Variants in FNBP1 observed in about 807,000 individuals in gnomAD.
The protein encoded by FNBP1 is formin-binding protein 1.
In FNBP1, 26 loss-of-function variants were observed where a neutral mutation model predicts 90.6. That is an observed-to-expected ratio of 0.29 (90% CI 0.21 to 0.40). FNBP1 has a LOEUF of 0.40. Ranked by LOEUF, FNBP1 falls within the 10% of genes least tolerant of loss-of-function variation. The pLI is 1.00. For synonymous variants in FNBP1, 260 were observed against 265.2 expected (o/e 0.98, Z 0.19); for missense variants, 635 against 768.0 (o/e 0.83, Z 2.05).
chr9:130,029,224 C>T (rs894367089), intron 1 of FNBP1, among the ~76,000 whole-genome samples: 1 of 151,950 alleles, frequency 6.6e-6, no homozygotes, highest in East Asian at 1.9e-4. Flanking sequence ...GGTGCAGTCA[C>T]TACTCACTGT....
intron 1 of FNBP1, among the ~76,000 whole-genome samples, chr9:130,039,968 C>G (rs1357654310): frequency 1.3e-5 from 2 of 152,176 alleles, no homozygotes; most frequent in African/African-American, 4.8e-5. Context: ...CTTTCTCCAT[C>G]TAGAAGAATA....
At chr9:129,894,111 C>T (rs1049851384) in intron 16 of FNBP1, among the ~76,000 whole-genome samples, 1 of 151,970 alleles carries the variant, frequency 6.6e-6, no homozygotes, top group Non-Finnish European at 1.5e-5. Flanking sequence ...AATGTAGAGG[C>T]AGGCAGGGGC....
intron 11 of FNBP1, among the ~76,000 whole-genome samples, chr9:129,915,727 A>T (rs983902320): frequency 6.6e-6 from 1 of 152,164 alleles, no homozygotes; most frequent in Non-Finnish European, 1.5e-5. Flanking sequence ...CAGGAATAAC[A>T]CCAAGTCGTG....
In FNBP1 at chr9:129,889,582, A is replaced by C. The variant is rs560483842; in HGVS notation, c.*957T>G. ...GAGACTCCCGTCTCAAAAAAAAAAAAAAAACAACAACAAAAAAGGAAGTGC... is the reference window on the plus strand; with the variant it reads ...GAGACTCCCGTCTCAAAAAAAAAAACAAAACAACAACAAAAAAGGAAGTGC... On this transcript the variant is annotated 3_prime_UTR_variant, in exon 17 of 17. Transcript: ENST00000446176. 4.7e-6 allele frequency: 1 copy of C among 214,244 alleles called. No individual in the cohort carries two copies. The highest frequency in any genetic ancestry group is 2.3e-5 in the African/African-American group (1 of 43,894). 13.3% of individuals were successfully genotyped at this position (214,244 alleles called of 1,614,324 possible). A position where few individuals can be genotyped will look rare whatever the true frequency, so the allele number is the denominator to read the frequency against.
intron 11 of FNBP1, among the ~76,000 whole-genome samples, chr9:129,913,594 AACCCCGTCTCT>A (rs2039731831): frequency 6.6e-6 from 1 of 151,998 alleles, no homozygotes; most frequent in South Asian, 2.1e-4. Context: ...AGCATGGTGA[AACCCCGTCTCT>A]ACTAAAAATA....
chr9:129,943,035 T>C (rs573318937), intron 6 of FNBP1, among the ~76,000 whole-genome samples: 1 of 152,278 alleles, frequency 6.6e-6, no homozygotes, highest in African/African-American at 2.4e-5. Flanking sequence ...CTCATCTTAC[T>C]TCTCCAGCTA....
chr9:129,953,967 G>A (rs931985413), intron 6 of FNBP1, among the ~76,000 whole-genome samples: 2 of 151,950 alleles, frequency 1.3e-5, no homozygotes, highest in African/African-American at 4.8e-5. Flanking sequence ...TACTTTAGGA[G>A]GCTGAGGCTG....
intron 6 of FNBP1, among the ~76,000 whole-genome samples, chr9:129,932,281 A>C (rs1220701454): frequency 4.6e-5 from 7 of 152,160 alleles, no homozygotes; most frequent in Admixed American, 3.9e-4. Context: ...AAAGAGAGAA[A>C]GAAAAAGGAA....
chr9:130,007,617 T>A (rs1239193902), intron 1 of FNBP1, among the ~76,000 whole-genome samples: 1 of 152,194 alleles, frequency 6.6e-6, no homozygotes, highest in Non-Finnish European at 1.5e-5. Context: ...AACACCTTAG[T>A]CACTTTCAGT....
chr9:130,013,849 T>C (rs1480142487), intron 1 of FNBP1: 2 of 435,266 alleles, frequency 4.6e-6, no homozygotes, highest in African/African-American at 2.0e-5. Context: ...CAAAAGGGAG[T>C]TTGATGCCCT....
chr9:130,048,491 CT>C, the FNBP1 span, among the ~76,000 whole-genome samples: 28 of 105,072 alleles, frequency 2.7e-4, no homozygotes, highest in East Asian at 3.8e-4. Context: ...CCTCAGTTTC[CT>C]TTTTTTTTTT....
chr9:130,045,278 A>C (rs1373921224), upstream of FNBP1, among the ~76,000 whole-genome samples: 1 of 152,212 alleles, frequency 6.6e-6, no homozygotes, highest in Non-Finnish European at 1.5e-5. Flanking sequence ...GGAGGGGGAA[A>C]TTCAAACAAT....
At chr9:129,924,213 G>A (rs1276124220) in intron 9 of FNBP1, among the ~76,000 whole-genome samples, 187 bp from the exon 10 acceptor site, 2 of 152,168 alleles carry the variant, frequency 1.3e-5, no homozygotes, top group African/African-American at 2.4e-5. Flanking sequence ...GAGTTGGGAG[G>A]TTTAGTAAGT....
At chr9:130,032,537 C>T (rs192337436) in intron 1 of FNBP1, among the ~76,000 whole-genome samples, 115 of 152,268 alleles carry the variant, frequency 7.6e-4, no homozygotes, top group African/African-American at 2.7e-3. Context: ...CACATATACA[C>T]TTATGAAATC....
At chr9:129,946,046 G>A (rs1033840268) in intron 6 of FNBP1, among the ~76,000 whole-genome samples, 6 of 152,110 alleles carry the variant, frequency 3.9e-5, no homozygotes, top group Admixed American at 2.0e-4. Flanking sequence ...GCGTACGCCT[G>A]TAGTCCCAGC....
chr9:130,000,471 C>T (rs2054659516), intron 1 of FNBP1, among the ~76,000 whole-genome samples: 1 of 151,754 alleles, frequency 6.6e-6, no homozygotes, highest in South Asian at 2.1e-4. Context: ...AGCACTCTAG[C>T]CTGGGTGATG....
intron 1 of FNBP1, among the ~76,000 whole-genome samples, chr9:130,008,397 T>C (rs530165039): frequency 5.3e-5 from 8 of 152,112 alleles, no homozygotes; most frequent in African/African-American, 1.7e-4. Context: ...GTTTAAAAAT[T>C]ACTCCTCCAG....
intron 11 of FNBP1, among the ~76,000 whole-genome samples, chr9:129,912,821 G>T (rs1029876064): frequency 6.6e-6 from 1 of 152,246 alleles, no homozygotes; most frequent in East Asian, 1.9e-4. Context: ...TTCTATGGCC[G>T]CTCTTTCCAA....
chr9:130,022,062 T>G (rs991370814), intron 1 of FNBP1, among the ~76,000 whole-genome samples: 1 of 152,186 alleles, frequency 6.6e-6, no homozygotes, highest in Non-Finnish European at 1.5e-5. Context: ...TCTCACCATG[T>G]TGGCCAGGCT....
Sources: allele counts gnomAD v4.1 joint callset (sites outside exome capture counted in the v4.1 genomes callset), GRCh38; gene constraint gnomAD v4.1.1; transcripts MANE v1.5; gene names NCBI Gene and HGNC (gene_info 2026-07-23, HGNC 2026-07-21).